The following ASTN2 variants were observed in gnomAD, a reference collection of about 807,000 sequenced individuals.
ASTN2 encodes the protein astrotactin 2.
A neutral mutation model predicts 139.8 loss-of-function variants in ASTN2; 54 were observed. The ratio of observed to expected loss-of-function variants is 0.39; its 90% CI spans 0.31 to 0.48. ASTN2 has a LOEUF of 0.48. Ranked by LOEUF, ASTN2 falls within the 20% of genes least tolerant of loss-of-function variation. The pLI is 0.95. For missense variants in ASTN2, 1,565 were observed against 1,725.1 expected (o/e 0.91, Z 1.64); for synonymous variants, 756 against 719.5 (o/e 1.05, Z -0.81).
At chr9:116,514,943 C>T (rs1267912661) in intron 19 of ASTN2, among the ~76,000 whole-genome samples, 2 of 152,142 alleles carry the variant, frequency 1.3e-5, no homozygotes, top group Non-Finnish European at 2.9e-5. Flanking sequence ...TTTGTGCTTC[C>T]CGGGTGAGGC....
At chr9:116,557,000 A>G (rs1443130580) in intron 19 of ASTN2, among the ~76,000 whole-genome samples, 1 of 152,026 alleles carries the variant, frequency 6.6e-6, no homozygotes, top group African/African-American at 2.4e-5. Context: ...AGGCAGGTGG[A>G]CCACGAGGTT....
intron 10 of ASTN2, among the ~76,000 whole-genome samples, chr9:116,865,655 T>C (rs1011699402): frequency 6.6e-6 from 1 of 151,908 alleles, no homozygotes; most frequent in East Asian, 1.9e-4. Flanking sequence ...TGGGATATAC[T>C]AGGATAAACC....
chr9:116,711,104 C>A (rs918919128), intron 16 of ASTN2, among the ~76,000 whole-genome samples: 4 of 152,192 alleles, frequency 2.6e-5, no homozygotes, highest in Non-Finnish European at 5.9e-5. Flanking sequence ...ATACCGTAGA[C>A]CCTGCATAGA....
chr9:116,514,993 A>T (rs1398803324), intron 19 of ASTN2, among the ~76,000 whole-genome samples: 2 of 152,052 alleles, frequency 1.3e-5, no homozygotes, highest in Middle Eastern at 3.4e-3. Flanking sequence ...GGTGTGCTGC[A>T]CCCACTGTCC....
chr9:116,911,271 A>G (rs1834302889), intron 10 of ASTN2, among the ~76,000 whole-genome samples: 1 of 152,218 alleles, frequency 6.6e-6, no homozygotes, highest in Non-Finnish European at 1.5e-5. Context: ...TTTAAGAAAG[A>G]TCAAGACGCT....
At chr9:117,188,533 C>G (rs1365672128) in intron 3 of ASTN2, among the ~76,000 whole-genome samples, 2 of 152,122 alleles carry the variant, frequency 1.3e-5, no homozygotes, top group Non-Finnish European at 2.9e-5. Flanking sequence ...ATGCCTGTCT[C>G]CTCACTGCTG....
At position 117,214,520 on chromosome 9, in the gene ASTN2, G is replaced by T. The variant is rs1564483255; in HGVS notation, c.853C>A (p.Arg285=). ...TAGTCATCCAGGATGGGAGTCTCCC[G>T]GATGGGCACGCCAATGACGGAATTG... ...THNSVIGVPI[R]ETPILDDYDC... The change falls in exon 3 of 23, where the codon CGG becomes AGG. Residue 285 remains arginine (R), a synonymous_variant. Coordinates refer to ENST00000313400, the MANE Select transcript of ASTN2 (RefSeq NM_001365068.1). The T allele has an allele frequency of 6.2e-7, 1 of 1,614,070 alleles. No homozygotes were observed. The highest frequency in any genetic ancestry group is 2.2e-5 in the East Asian group (1 of 44,854).
chr9:116,474,455 C>A (rs1848915289), intron 20 of ASTN2, among the ~76,000 whole-genome samples: 1 of 152,116 alleles, frequency 6.6e-6, no homozygotes, highest in Non-Finnish European at 1.5e-5. Context: ...AACAGAGCAG[C>A]AAGAAAAATG....
At chr9:116,442,661 AT>A in intron 20 of ASTN2, 108 bp from the exon 21 acceptor site, 1 of 869,906 alleles carries the variant, frequency 1.1e-6, no homozygotes, top group Non-Finnish European at 1.9e-6. Flanking sequence ...AGGAAAAATG[AT>A]TTTAAAAAAA....
intron 20 of ASTN2, among the ~76,000 whole-genome samples, chr9:116,451,145 G>A (rs1050343144): frequency 6.6e-6 from 1 of 152,182 alleles, no homozygotes; most frequent in Non-Finnish European, 1.5e-5. Context: ...CTCAGGCAGA[G>A]GTGACAGCAA....
chr9:116,950,798 G>T (rs543470881), intron 10 of ASTN2, among the ~76,000 whole-genome samples: 25 of 152,276 alleles, frequency 1.6e-4, no homozygotes, highest in African/African-American at 5.8e-4. Context: ...CATAGTACAT[G>T]CCAGATCTGG....
At chr9:116,686,789 C>T in intron 16 of ASTN2, 2 of 1,550,682 alleles carry the variant, frequency 1.3e-6, no homozygotes, top group South Asian at 2.4e-5. Flanking sequence ...CATTCCTTTA[C>T]AGAGCAATGT....
intron 19 of ASTN2, among the ~76,000 whole-genome samples, chr9:116,589,852 A>G (rs1854308763): frequency 1.3e-5 from 2 of 152,306 alleles, no homozygotes; most frequent in Non-Finnish European, 2.9e-5. Context: ...AGATGTTGGG[A>G]CAATTTTAAC....
intron 19 of ASTN2, among the ~76,000 whole-genome samples, chr9:116,518,266 A>G (rs1850731071): frequency 6.6e-6 from 1 of 152,178 alleles, no homozygotes. Context: ...CAAAAACATC[A>G]GGTAACCTAT....
chr9:117,272,678 C>T (rs899627121), intron 2 of ASTN2, among the ~76,000 whole-genome samples: 4 of 152,164 alleles, frequency 2.6e-5, no homozygotes, highest in Admixed American at 1.3e-4. Flanking sequence ...TCTCTCAAGT[C>T]AAAGTTCCAC....
intron 7 of ASTN2, among the ~76,000 whole-genome samples, chr9:116,999,709 A>G (rs894411868): frequency 1.3e-5 from 2 of 151,574 alleles, no homozygotes; most frequent in South Asian, 4.2e-4. Context: ...ATGGGCATGT[A>G]CCACCACGCT....
intron 10 of ASTN2, among the ~76,000 whole-genome samples, chr9:116,880,060 A>G (rs1833411448): frequency 6.6e-6 from 1 of 152,202 alleles, no homozygotes; most frequent in Non-Finnish European, 1.5e-5. Context: ...TATAATAATA[A>G]CCATAAATTC....
At chr9:116,845,311 G>A (rs1588347294) in intron 11 of ASTN2, among the ~76,000 whole-genome samples, 1 of 152,218 alleles carries the variant, frequency 6.6e-6, no homozygotes, top group East Asian at 1.9e-4. Context: ...AGTAGAGACG[G>A]GGTTTCACCG....
chr9:116,443,684 T>C (rs1450373140), intron 20 of ASTN2, among the ~76,000 whole-genome samples: 1 of 152,134 alleles, frequency 6.6e-6, no homozygotes, highest in African/African-American at 2.4e-5. Flanking sequence ...TTCTAGATGA[T>C]GTGAGCCTTA....
Sources: allele counts gnomAD v4.1 joint callset (sites outside exome capture counted in the v4.1 genomes callset), GRCh38; gene constraint gnomAD v4.1.1; transcripts MANE v1.5; gene names NCBI Gene and HGNC (gene_info 2026-07-23, HGNC 2026-07-21).